Variants in FTO observed in about 807,000 individuals in gnomAD.
FTO encodes FTO alpha-ketoglutarate dependent dioxygenase, also known as alpha-ketoglutarate-dependent dioxygenase FTO.
Under a neutral mutation model 63.9 loss-of-function variants are expected in FTO, and 47 were observed. The observed-to-expected ratio is 0.74, with a 90% CI of 0.58 to 0.94. The LOEUF (loss-of-function observed/expected upper bound fraction) is 0.94, where lower values mean the gene tolerates loss of function less well. Ranked by LOEUF, FTO falls within the 40% of genes least tolerant of loss-of-function variation. FTO has a pLI of 0.00. For synonymous variants in FTO, 207 were observed against 224.4 expected (o/e 0.92, Z 0.69); for missense variants, 562 against 618.1 (o/e 0.91, Z 0.96).
At chr16:53,994,445 C>T (rs530753844) in intron 8 of FTO, 43 of 152,224 alleles carry the variant, frequency 2.8e-4, no homozygotes, top group African/African-American at 9.6e-4. Flanking sequence ...ACTGTGGCCT[C>T]CAACTCCTGA....
chr16:53,773,828 A>T (rs1471116546), intron 1 of FTO, among the ~76,000 whole-genome samples: 5 of 152,184 alleles, frequency 3.3e-5, no homozygotes, highest in Admixed American at 3.3e-4. Context: ...TTTCCAACTC[A>T]TAGAATGACA....
At chr16:53,984,938 G>A in intron 8 of FTO, 1 of 456,418 alleles carries the variant, frequency 2.2e-6, no homozygotes, top group Non-Finnish European at 4.4e-6. Flanking sequence ...TGTTTTTCAG[G>A]GCAGAGAGGA....
At chr16:54,036,674 C>T (rs1394894845) in intron 8 of FTO, among the ~76,000 whole-genome samples, 1 of 152,174 alleles carries the variant, frequency 6.6e-6, no homozygotes, top group Non-Finnish European at 1.5e-5. Context: ...CTGGCTCAGC[C>T]AGTATATTTC....
At chr16:54,090,955 G>A (rs1447981650) in intron 8 of FTO, among the ~76,000 whole-genome samples, 1 of 152,172 alleles carries the variant, frequency 6.6e-6, no homozygotes, top group Non-Finnish European at 1.5e-5. Context: ...CAGCAGGGCA[G>A]CCATGCTCCT....
intron 1 of FTO, among the ~76,000 whole-genome samples, chr16:53,805,143 A>G (rs942201242): frequency 3.3e-5 from 5 of 152,234 alleles, no homozygotes; most frequent in East Asian, 1.9e-4. Context: ...AAGAAGTATT[A>G]TGTGGAAAAT....
At chr16:53,774,120 A>G (rs2077406395) in intron 1 of FTO, among the ~76,000 whole-genome samples, 1 of 152,130 alleles carries the variant, frequency 6.6e-6, no homozygotes, top group African/African-American at 2.4e-5. Context: ...TAACCGACAG[A>G]AGACCAAACA....
At chr16:53,789,310 A>G (rs1306890807) in intron 1 of FTO, among the ~76,000 whole-genome samples, 1 of 152,218 alleles carries the variant, frequency 6.6e-6, no homozygotes, top group Non-Finnish European at 1.5e-5. Flanking sequence ...TCCAAAAGCA[A>G]CAAGTACTAC....
In FTO at chr16:53,879,919, AATG is replaced by A. The variant is rs1423559328; in HGVS notation, c.1058_1060del (p.Asp353del). On this transcript the variant is annotated inframe_deletion, in exon 6 of 9. Transcript: ENST00000471389. ...GCAGAATGTCTGTGACGATGTGGAC[AATG>A]ATGATGTCTCTTTGAAATCCTTTGA... 5.6e-6 allele frequency: 9 copies of A among 1,613,832 alleles called. No homozygotes were observed. Among genetic ancestry groups the A allele is most frequent in the Non-Finnish European group, 7.6e-6 (9 of 1,179,892 alleles).
intron 8 of FTO, among the ~76,000 whole-genome samples, chr16:53,988,374 T>C (rs1195443476): frequency 6.6e-6 from 1 of 152,182 alleles, no homozygotes; most frequent in Non-Finnish European, 1.5e-5. Context: ...CTTTATTTTT[T>C]ACGTTGGGGC....
intron 8 of FTO, among the ~76,000 whole-genome samples, chr16:54,038,298 A>G (rs548229062): frequency 6.6e-6 from 1 of 152,208 alleles, no homozygotes; most frequent in South Asian, 2.1e-4. Context: ...CAGAACTGGC[A>G]GTGGAAGCAT....
intron 4 of FTO, among the ~76,000 whole-genome samples, chr16:53,865,614 C>G (rs187354801): frequency 5.9e-5 from 9 of 152,210 alleles, no homozygotes; most frequent in Non-Finnish European, 2.9e-5. Context: ...GTCCTATTGT[C>G]TTTTCCTAGA....
chr16:53,880,304 C>T (rs1304703414), intron 6 of FTO, among the ~76,000 whole-genome samples: 1 of 152,138 alleles, frequency 6.6e-6, no homozygotes, highest in African/African-American at 2.4e-5. Context: ...GCAAGACTTT[C>T]AAGAATTGTG....
At chr16:53,969,407 C>T (rs2083269018) in intron 8 of FTO, among the ~76,000 whole-genome samples, 1 of 152,158 alleles carries the variant, frequency 6.6e-6, no homozygotes, top group Non-Finnish European at 1.5e-5. Context: ...TGTCCCTCAG[C>T]CTTCACTAGA....
intron 1 of FTO, among the ~76,000 whole-genome samples, chr16:53,744,200 G>T (rs1160489859): frequency 1.3e-5 from 2 of 152,118 alleles, no homozygotes; most frequent in Non-Finnish European, 1.5e-5. Flanking sequence ...TGACAGCTTA[G>T]GTTCAGACTC....
At chr16:54,088,753 C>T (rs550532727) in intron 8 of FTO, among the ~76,000 whole-genome samples, 63 of 152,276 alleles carry the variant, frequency 4.1e-4, no homozygotes, top group African/African-American at 1.4e-3. Context: ...TACACAAATT[C>T]GGTTATACAG....
intron 8 of FTO, among the ~76,000 whole-genome samples, chr16:54,103,950 G>A (rs2540776): frequency 0.21 from 31,867 of 151,964 alleles, 3,840 homozygotes; most frequent in African/African-American, 0.33. Flanking sequence ...TAAATGTAGC[G>A]CTTAAGGTAG....
At chr16:54,071,408 G>A (rs2085865720) in intron 8 of FTO, 1 of 152,350 alleles carries the variant, frequency 6.6e-6, no homozygotes. Flanking sequence ...TTTTGTGGGG[G>A]AGTGAGGTCA....
intron 1 of FTO, among the ~76,000 whole-genome samples, chr16:53,733,505 C>A (rs370819937): frequency 6.6e-6 from 1 of 152,118 alleles, no homozygotes; most frequent in South Asian, 2.1e-4. Flanking sequence ...AAATTAGGGA[C>A]GTAATTACCC....
chr16:53,880,578 C>T (rs1235422749), intron 6 of FTO, among the ~76,000 whole-genome samples: 1 of 152,140 alleles, frequency 6.6e-6, no homozygotes, highest in Non-Finnish European at 1.5e-5. Context: ...AGTTCAAGAT[C>T]AGATGGCATC....
Sources: gnomAD v4.1 joint callset for allele counts (sites outside exome capture counted in the v4.1 genomes callset) on GRCh38, gnomAD v4.1.1 for gene constraint, MANE v1.5 for transcripts, NCBI Gene and HGNC (gene_info 2026-07-23, HGNC 2026-07-21) for gene names.